Variants in DENND4C observed in about 807,000 individuals in gnomAD.
DENND4C encodes DENN domain containing 4C.
A neutral mutation model predicts 203.0 loss-of-function variants in DENND4C; 108 were observed. That is an observed-to-expected ratio of 0.53 (90% CI 0.46 to 0.62). The LOEUF (loss-of-function observed/expected upper bound fraction) is 0.62, where lower values mean the gene tolerates loss of function less well. DENND4C is among the 20% of genes least tolerant of loss of function. The pLI, the probability that DENND4C is intolerant of heterozygous loss-of-function variation, is 0.00. For synonymous variants in DENND4C, 871 were observed against 792.4 expected (o/e 1.10, Z -1.67); for missense variants, 2,481 against 2,301.2 (o/e 1.08, Z -1.60).
intron 1 of DENND4C, among the ~76,000 whole-genome samples, chr9:19,258,660 A>AGTTTTTTTTTTT (rs149575864): frequency 0.021 from 3,229 of 151,658 alleles, 39 homozygotes; most frequent in Non-Finnish European, 0.022. Context: ...TTAAATTTTA[A>AGTTTTTTTTTTT]GTTTTTTTTT....
intron 2 of DENND4C, among the ~76,000 whole-genome samples, chr9:19,282,519 G>T (rs561497416): frequency 6.8e-6 from 1 of 146,978 alleles, no homozygotes; most frequent in South Asian, 2.2e-4. Flanking sequence ...CTCCCAAAGT[G>T]CTGGGATTAC....
intron 10 of DENND4C, among the ~76,000 whole-genome samples, chr9:19,313,423 T>A (rs1841138513): frequency 6.6e-6 from 1 of 152,170 alleles, no homozygotes; most frequent in Non-Finnish European, 1.5e-5. Flanking sequence ...ACTAGTTGAC[T>A]GATGTATACA....
At position 19,369,946 on chromosome 9, in the gene DENND4C, C is replaced by G. The variant is rs558293015; in HGVS notation, c.5634C>G (p.Asn1878Lys). 5.0e-6 allele frequency: 8 copies of G among 1,613,880 alleles called. No individual in the cohort carries two copies. Among genetic ancestry groups the G allele is most frequent in the Non-Finnish European group, 6.8e-6 (8 of 1,179,920 alleles). ...IQHNNVLKPINLLSQQMKPGM... is the reference protein window; with the variant it reads ...IQHNNVLKPIKLLSQQMKPGM... Reference sequence around the variant, plus strand: ...ACAATAATGTTCTTAAACCCATCAACCTACTTTCACAGCAAATGAAGCCAG... The same window carrying G: ...ACAATAATGTTCTTAAACCCATCAAGCTACTTTCACAGCAAATGAAGCCAG... Residue 1878 changes from asparagine to lysine, a missense_variant, in exon 31 of 33, where the codon AAC becomes AAG. Physicochemically the swap from Asn to Lys is moderately conservative, Grantham distance 94 (BLOSUM62 0). Transcript: ENST00000434457.
chr9:19,249,561 T>G (rs1826065192), intron 1 of DENND4C, among the ~76,000 whole-genome samples: 1 of 151,982 alleles, frequency 6.6e-6, no homozygotes, highest in African/African-American at 2.4e-5. Flanking sequence ...TGGCCACCAG[T>G]AGTAATTTTT....
Position 19,324,498 on chromosome 9 carries a change from C to T in DENND4C, c.1944C>T (p.Cys648=). The change falls in exon 13 of 33, where the codon TGC becomes TGT. Residue 648 remains cysteine, a synonymous_variant. Coordinates refer to ENST00000434457, the MANE Select transcript of DENND4C (RefSeq NM_001330640.2). ...CTGGATTAGCATTTTTTGATGACTG[C>T]ATAGAAAAGGTAAAAGTTTGTACTT... ...KDTGLAFFDD[C]IEKLFPDKGT... 6.2e-7 allele frequency: 1 copy of T among 1,602,946 alleles called. No individual in the cohort carries two copies. The highest frequency in any genetic ancestry group is 8.5e-7 in the Non-Finnish European group (1 of 1,177,614).
At chr9:19,276,508 T>G (rs1832920466) in intron 2 of DENND4C, 29 bp downstream of exon 2, 1 of 1,212,256 alleles carries the variant, frequency 8.2e-7, no homozygotes, top group African/African-American at 1.6e-5. Context: ...TTTGCTATAG[T>G]GAAGGAGTAA....
chr9:19,328,220 T>C, intron 16 of DENND4C, 58 bp downstream of exon 16: 1 of 1,471,918 alleles, frequency 6.8e-7, no homozygotes, highest in Non-Finnish European at 9.2e-7. Flanking sequence ...GTATATGTGA[T>C]ATGCAGCTCA....
Position 19,332,096 on chromosome 9 carries a change from G to C in DENND4C, c.2372G>C (p.Arg791Thr), listed in dbSNP as rs761441263. ...TTTATTTGTCTTCCGGCCTATGTTA[G>C]AGTTTCTCATCCTAAAGTCAGAGCA... ...LWFICLPAYVRVSHPKVRALQ... is the reference protein window; with the variant it reads ...LWFICLPAYVTVSHPKVRALQ... The change falls in exon 17 of 33, where the codon AGA becomes ACA. Residue 791 changes from arginine to threonine, a missense_variant. By Grantham distance (71) the Arg-to-Thr change is moderately conservative. Around this residue, in one of 3 missense-constraint regions of DENND4C, gnomAD observed 2,289 missense variants for 2,113.3 expected, o/e 1.08. Coordinates refer to ENST00000434457, the MANE Select transcript of DENND4C (RefSeq NM_001330640.2). 3 of 1,614,068 alleles carry C rather than the reference G, an allele frequency of 1.9e-6. No individual in the cohort carries two copies. Among genetic ancestry groups the C allele is most frequent in the Middle Eastern group, 1.7e-4 (1 of 6,060 alleles).
Position 19,350,687 on chromosome 9 carries a change from T to A in DENND4C, c.4318-15T>A. The A allele has an allele frequency of 6.3e-7, 1 of 1,596,198 alleles. No homozygotes were observed. The highest frequency in any genetic ancestry group is 8.5e-7 in the Non-Finnish European group (1 of 1,173,290). ...TATTATTTATGTATGTGGAATTTTT[T>A]TTTTTCAATTAAAGGAAGAAACTAA... On this transcript the variant is annotated splice_polypyrimidine_tract_variant and intron_variant, in intron 23 of 32. Coordinates refer to ENST00000434457, the MANE Select transcript of DENND4C (RefSeq NM_001330640.2).
In DENND4C at chr9:19,316,679, C is replaced by T. The variant is rs1312796874; in HGVS notation, c.1647C>T (p.Phe549=). The T allele has an allele frequency of 4.3e-6, 7 of 1,614,084 alleles. No homozygotes were observed. Among genetic ancestry groups the T allele is most frequent in the Non-Finnish European group, 3.4e-6 (4 of 1,179,986 alleles). Residue 549 remains phenylalanine, a synonymous_variant, in exon 12 of 33, where the codon TTC becomes TTT. Coordinates refer to ENST00000434457, the MANE Select transcript of DENND4C (RefSeq NM_001330640.2). ...ACATGACTCCAATTGAAGCAGATTTCTCCTGGCAAAAGAAGATGACACAGC... is the reference window on the plus strand; with the variant it reads ...ACATGACTCCAATTGAAGCAGATTTTTCCTGGCAAAAGAAGATGACACAGC... The part of the protein sequence containing the change: ...AIDMTPIEAD[F]SWQKKMTQLE...
intron 16 of DENND4C, among the ~76,000 whole-genome samples, chr9:19,330,824 C>A (rs1167252587): frequency 6.6e-6 from 1 of 151,856 alleles, no homozygotes; most frequent in Admixed American, 6.6e-5. Context: ...CTGAGGTGGG[C>A]AGATCACCTG....
chr9:19,259,027 C>T (rs1280233705), intron 1 of DENND4C, among the ~76,000 whole-genome samples: 2 of 152,082 alleles, frequency 1.3e-5, no homozygotes, highest in East Asian at 1.9e-4. Context: ...TTGATACAGG[C>T]ATACAGTGTG....
intron 26 of DENND4C, among the ~76,000 whole-genome samples, chr9:19,356,100 A>G (rs926204748): frequency 2.0e-5 from 3 of 152,094 alleles, no homozygotes; most frequent in Non-Finnish European, 4.4e-5. Context: ...TTTTTTTTCA[A>G]TGAGCACGCA....
chr9:19,312,094 G>T (rs1009357292), intron 10 of DENND4C, among the ~76,000 whole-genome samples: 2 of 152,058 alleles, frequency 1.3e-5, no homozygotes, highest in African/African-American at 4.8e-5. Context: ...AATCACAAAA[G>T]ATATTTTGTT....
chr9:19,334,585 G>A (rs1282979372), intron 17 of DENND4C, among the ~76,000 whole-genome samples: 2 of 150,418 alleles, frequency 1.3e-5, no homozygotes, highest in African/African-American at 4.9e-5. Context: ...GAGTGCAGTG[G>A]CGTGATCTGG....
At chr9:19,367,956 A>G (rs964786151) in intron 30 of DENND4C, among the ~76,000 whole-genome samples, 28 of 152,224 alleles carry the variant, frequency 1.8e-4, no homozygotes, top group African/African-American at 6.3e-4. Context: ...ATAGAGACAG[A>G]AAGTAGATTA....
rs569314502 is a variant in DENND4C, at chr9:19,311,225, G to T, written c.1488-5192G>T. ...TGCAACCTCCACCTCCTGGGTTCAA[G>T]CAATTCTTGTGCCTCAGCCTTCTGA... is the stretch of plus-strand genomic sequence containing the variant. On this transcript the variant is annotated intron_variant, in intron 10 of 32. Transcript: ENST00000434457. Among the ~76,000 whole-genome samples the T allele has an allele frequency of 2.0e-5, 3 of 152,218 alleles. No homozygotes were observed. In the East Asian group the frequency reaches 5.8e-4, roughly 29 times the overall value.
At chr9:19,270,072 C>T (rs1831314245) in intron 1 of DENND4C, among the ~76,000 whole-genome samples, 1 of 152,086 alleles carries the variant, frequency 6.6e-6, no homozygotes, top group Non-Finnish European at 1.5e-5. Context: ...CCTGGATTAC[C>T]AGGCACAGTC....
At chr9:19,290,639 T>A in intron 4 of DENND4C, 65 bp from the exon 5 acceptor site, 2 of 1,117,892 alleles carry the variant, frequency 1.8e-6, no homozygotes, top group Non-Finnish European at 2.4e-6. Context: ...CATTAATACC[T>A]ATCATATGCA....
Sources: gnomAD v4.1 joint callset for allele counts (sites outside exome capture counted in the v4.1 genomes callset) on GRCh38, gnomAD v4.1.1 for gene constraint, gnomAD v4.1.1 regional missense constraint, MANE v1.5 for transcripts, NCBI Gene and HGNC (gene_info 2026-07-23, HGNC 2026-07-21) for gene names.